The following GOLM2 variants were observed in gnomAD, a reference collection of about 807,000 sequenced individuals.
GOLM2 encodes the protein protein GOLM2.
Under a neutral mutation model 55.9 loss-of-function variants are expected in GOLM2, and 26 were observed. The observed-to-expected ratio is 0.47, with a 90% CI of 0.34 to 0.65. The LOEUF (loss-of-function observed/expected upper bound fraction) is 0.65. Ranked by LOEUF, GOLM2 falls within the 30% of genes least tolerant of loss-of-function variation. The pLI is 0.01. For missense variants in GOLM2, 486 were observed against 531.8 expected (o/e 0.91, Z 0.85); for synonymous variants, 165 against 194.6 (o/e 0.85, Z 1.27).
intron 1 of GOLM2, among the ~76,000 whole-genome samples, chr15:44,294,250 C>G (rs539537397): frequency 2.0e-5 from 3 of 152,194 alleles, no homozygotes; most frequent in African/African-American, 4.8e-5. Context: ...CTCCAAGGAA[C>G]CTTGGTTCCT....
In GOLM2 at chr15:44,340,188, G is replaced by A. The variant is rs1438668576; in HGVS notation, c.802+1871G>A. ...TGCCCAGGCTGATCTCAAACTCCTGGGCTTACGTGATCCTCCCAAAGTGCT... is the reference window on the plus strand; with the variant it reads ...TGCCCAGGCTGATCTCAAACTCCTGAGCTTACGTGATCCTCCCAAAGTGCT... On this transcript the variant is annotated intron_variant, in intron 6 of 9. Transcript: ENST00000299957. Among the ~76,000 whole-genome samples, 4 of 147,820 alleles carry A rather than the reference G, an allele frequency of 2.7e-5. No individual in the cohort carries two copies. In the South Asian group the frequency reaches 8.6e-4, roughly 32 times the overall value.
intron 9 of GOLM2, among the ~76,000 whole-genome samples, chr15:44,412,390 A>C (rs1437258224): frequency 6.6e-6 from 1 of 152,192 alleles, no homozygotes; most frequent in Non-Finnish European, 1.5e-5. Context: ...ACAGCCACTC[A>C]AAGAGGCTTT....
chr15:44,329,619 A>G (rs2079008152), intron 3 of GOLM2, among the ~76,000 whole-genome samples: 1 of 152,174 alleles, frequency 6.6e-6, no homozygotes, highest in Admixed American at 6.5e-5. Flanking sequence ...ATCACAGGCT[A>G]GGTTATGGTG....
At chr15:44,296,568 CT>C (rs2078758227) in intron 1 of GOLM2, among the ~76,000 whole-genome samples, 1 of 152,132 alleles carries the variant, frequency 6.6e-6, no homozygotes, top group South Asian at 2.1e-4. Flanking sequence ...CTCTCTTATT[CT>C]TGAGAGGTTT....
chr15:44,310,454 C>CTCTA (rs1187338800), intron 1 of GOLM2, among the ~76,000 whole-genome samples: 25 of 142,602 alleles, frequency 1.8e-4, no homozygotes, highest in South Asian at 8.8e-4. Context: ...CTCTCTCTCT[C>CTCTA]TATATATATA....
intron 6 of GOLM2, among the ~76,000 whole-genome samples, chr15:44,377,840 C>G (rs1418087072): frequency 6.6e-6 from 1 of 151,008 alleles, no homozygotes; most frequent in Non-Finnish European, 1.5e-5. Context: ...TGATATAACC[C>G]TAATTTTAAG....
At chr15:44,358,752 G>A (rs911831093) in intron 6 of GOLM2, among the ~76,000 whole-genome samples, 67 of 152,124 alleles carry the variant, frequency 4.4e-4, no homozygotes, top group Admixed American at 2.4e-3. Context: ...AAAACTAGAA[G>A]ACAACAAGAG....
intron 9 of GOLM2, among the ~76,000 whole-genome samples, chr15:44,412,978 A>G (rs978989739): frequency 2.0e-5 from 3 of 151,462 alleles, no homozygotes; most frequent in Admixed American, 2.0e-4. Flanking sequence ...ACTCCAGCCT[A>G]GGCAACGGAG....
chr15:44,376,757 C>T (rs866200675), intron 6 of GOLM2, among the ~76,000 whole-genome samples: 4 of 152,092 alleles, frequency 2.6e-5, no homozygotes, highest in Admixed American at 1.3e-4. Flanking sequence ...GTACGACTAA[C>T]TATAATAATT....
Position 44,386,568 on chromosome 15 carries a change from C to T in GOLM2, c.1072+5592C>T, listed in dbSNP as rs374780109. ...TTTTCCATTTCTACTAAAAAGGCAG[C>T]GATATTTTAAAAGGAATTGTGGCTA... On this transcript the variant is annotated intron_variant, in intron 8 of 9. Transcript: ENST00000299957. 2.0e-5 allele frequency among the ~76,000 whole-genome samples: 3 copies of T among 152,120 alleles called. No homozygotes were observed. In the East Asian group the frequency reaches 5.8e-4, roughly 29 times the overall value.
intron 8 of GOLM2, among the ~76,000 whole-genome samples, 173 bp downstream of exon 8, chr15:44,381,149 C>G (rs151262761): frequency 6.6e-6 from 1 of 151,952 alleles, no homozygotes; most frequent in Admixed American, 6.6e-5. Context: ...TGGATAGATA[C>G]GATTTTAAAG....
intron 5 of GOLM2, 147 bp downstream of exon 5, chr15:44,338,054 T>A: frequency 3.0e-6 from 3 of 1,009,434 alleles, no homozygotes; most frequent in African/African-American, 3.3e-5. Flanking sequence ...AAATTTGGAT[T>A]GTTTGATAGA....
chr15:44,384,793 A>G (rs2079430292), intron 8 of GOLM2, among the ~76,000 whole-genome samples: 1 of 151,212 alleles, frequency 6.6e-6, no homozygotes, highest in African/African-American at 2.4e-5. Context: ...CCTGTAATCC[A>G]AGCTACTTGG....
intron 8 of GOLM2, among the ~76,000 whole-genome samples, chr15:44,402,302 A>G (rs116170309): frequency 0.03 from 4,587 of 151,878 alleles, 249 homozygotes; most frequent in African/African-American, 0.11. Context: ...CTGATGGCTT[A>G]CCTTCTTTGT....
chr15:44,359,471 T>G (rs1202151492), intron 6 of GOLM2, among the ~76,000 whole-genome samples: 1 of 151,732 alleles, frequency 6.6e-6, no homozygotes, highest in Non-Finnish European at 1.5e-5. Flanking sequence ...ACCTGTAGTC[T>G]CAGCTACTTG....
intron 1 of GOLM2, among the ~76,000 whole-genome samples, chr15:44,321,650 G>A (rs780877545): frequency 6.6e-6 from 1 of 152,264 alleles, no homozygotes; most frequent in East Asian, 1.9e-4. Context: ...TTGTACTGTA[G>A]TTACATAAGA....
chr15:44,364,942 A>C (rs999510245), intron 6 of GOLM2, among the ~76,000 whole-genome samples: 6 of 152,198 alleles, frequency 3.9e-5, no homozygotes, highest in African/African-American at 1.4e-4. Context: ...GCTGGTGAGA[A>C]TGCAAAATTG....
rs369705663 is a variant in GOLM2, at chr15:44,400,563, C to T, written c.1073-2324C>T. On this transcript the variant is annotated intron_variant, in intron 8 of 9. Transcript: ENST00000299957. Reference sequence around the variant, plus strand: ...AACTCCCAACCTCAGGCCATCTGCCCGCCTTGCCGCCTTTTTTTTTTTTTT... The same window carrying T: ...AACTCCCAACCTCAGGCCATCTGCCTGCCTTGCCGCCTTTTTTTTTTTTTT... Among the ~76,000 whole-genome samples, 36 of 149,284 alleles carry T rather than the reference C, an allele frequency of 2.4e-4. No individual in the cohort carries two copies. The South Asian group carries it at 5.3e-3, about 22-fold the overall frequency.
At chr15:44,311,063 A>G (rs1403820797) in intron 1 of GOLM2, among the ~76,000 whole-genome samples, 2 of 152,226 alleles carry the variant, frequency 1.3e-5, no homozygotes, top group East Asian at 3.9e-4. Context: ...AAACATACAT[A>G]CATACCTGGA....
Sources: allele counts gnomAD v4.1 joint callset (sites outside exome capture counted in the v4.1 genomes callset), GRCh38; gene constraint gnomAD v4.1.1; transcripts MANE v1.5; gene names NCBI Gene and HGNC (gene_info 2026-07-23, HGNC 2026-07-21).